Variants in SLC25A26 observed in about 807,000 individuals in gnomAD.
SLC25A26 encodes the protein solute carrier family 25 member 26, also known as mitochondrial S-adenosylmethionine carrier protein.
A neutral mutation model predicts 37.8 loss-of-function variants in SLC25A26; 36 were observed. That is an observed-to-expected ratio of 0.95 (90% CI 0.73 to 1.26). SLC25A26 has a LOEUF of 1.26. Ranked by LOEUF, SLC25A26 falls within the 50% of genes most tolerant of loss-of-function variation. The probability of loss-of-function intolerance (pLI) is 0.00; values close to 1 mark genes in which losing one functional copy is unlikely to be tolerated. For synonymous variants in SLC25A26, 129 were observed against 122.5 expected, an observed-to-expected ratio of 1.05 and a Z score of -0.35; for missense variants, 390 against 331.1, an observed-to-expected ratio of 1.18 and a Z score of -1.38.
chr3:66,286,790 G>C (rs1457587455), intron 5 of SLC25A26, among the ~76,000 whole-genome samples: 1 of 152,036 alleles, frequency 6.6e-6, no homozygotes, highest in Admixed American at 6.6e-5. Flanking sequence ...TGCCACCTGA[G>C]TAGCTGGGAT....
intron 1 of SLC25A26, among the ~76,000 whole-genome samples, chr3:66,188,843 C>A (rs2070881505): frequency 6.6e-6 from 1 of 151,970 alleles, no homozygotes; most frequent in South Asian, 2.1e-4. Flanking sequence ...TCAACCTGAC[C>A]AGACCCTGTT....
intron 6 of SLC25A26, among the ~76,000 whole-genome samples, chr3:66,362,514 G>GAGGA (rs2076733698): frequency 6.6e-6 from 1 of 152,204 alleles, no homozygotes; most frequent in Admixed American, 6.5e-5. Flanking sequence ...GGGGGATAGT[G>GAGGA]AGGAAGGACA....
chr3:66,310,275 ATGTT>A (rs1179752857), intron 5 of SLC25A26, among the ~76,000 whole-genome samples: 1 of 151,722 alleles, frequency 6.6e-6, no homozygotes, highest in Non-Finnish European at 1.5e-5. Flanking sequence ...GTCTTTTTTG[ATGTT>A]TGTTGGTTTA....
intron 5 of SLC25A26, among the ~76,000 whole-genome samples, chr3:66,301,650 C>T (rs1322585394): frequency 2.6e-5 from 4 of 152,168 alleles, no homozygotes; most frequent in South Asian, 2.1e-4. Flanking sequence ...CGTGTTTAGA[C>T]GGAGTACCTT....
chr3:66,367,535 C>T (rs779033574), intron 7 of SLC25A26, among the ~76,000 whole-genome samples: 5 of 152,180 alleles, frequency 3.3e-5, no homozygotes, highest in Non-Finnish European at 5.9e-5. Flanking sequence ...AAGAAGGGTT[C>T]TTTCAGGCTA....
rs369395201 is a variant in SLC25A26, at chr3:66,281,411, T to C, written c.453+18032T>C. Among the ~76,000 whole-genome samples, 164 of 152,386 alleles carry C rather than the reference T, an allele frequency of 1.1e-3. 1 individual carries two copies. The highest frequency in any genetic ancestry group is 3.7e-3 in the African/African-American group (153 of 41,588). ...TAGTTTTAACATCTGTGGATACTTC[T>C]TGTCTGAAGCATTTGTTACATTGGT... On this transcript the variant is annotated intron_variant, in intron 5 of 9. Transcript: ENST00000354883.
At chr3:66,266,851 T>G (rs1232495629) in intron 5 of SLC25A26, among the ~76,000 whole-genome samples, 3 of 152,218 alleles carry the variant, frequency 2.0e-5, no homozygotes, top group Non-Finnish European at 4.4e-5. Context: ...TGATTTGAGA[T>G]GCTATTGGCC....
intron 1 of SLC25A26, among the ~76,000 whole-genome samples, chr3:66,146,328 A>T (rs1057174676): frequency 6.6e-6 from 1 of 151,384 alleles, no homozygotes; most frequent in Admixed American, 6.6e-5. Flanking sequence ...TGACAGAGCG[A>T]GATTCAGTCT....
chr3:66,353,558 G>A (rs906950177), intron 6 of SLC25A26, among the ~76,000 whole-genome samples: 2 of 152,130 alleles, frequency 1.3e-5, no homozygotes, highest in Admixed American at 1.3e-4. Flanking sequence ...TTGTATTGTC[G>A]TATACTCAAA....
chr3:66,334,604 C>T (rs968726696), intron 5 of SLC25A26, among the ~76,000 whole-genome samples: 2 of 152,208 alleles, frequency 1.3e-5, no homozygotes, highest in African/African-American at 4.8e-5. Flanking sequence ...GTGTGAATTA[C>T]TGCGCCGGGC....
At chr3:66,237,835 T>C (rs1384754684) in intron 2 of SLC25A26, among the ~76,000 whole-genome samples, 1 of 152,182 alleles carries the variant, frequency 6.6e-6, no homozygotes, top group African/African-American at 2.4e-5. Flanking sequence ...ATTGCTTTTG[T>C]TTTTCGCAGG....
At chr3:66,171,174 C>G (rs918083603) in intron 1 of SLC25A26, among the ~76,000 whole-genome samples, 1 of 152,162 alleles carries the variant, frequency 6.6e-6, no homozygotes, top group South Asian at 2.1e-4. Flanking sequence ...CCAACATGGT[C>G]TAATCCCTGA....
intron 5 of SLC25A26, among the ~76,000 whole-genome samples, chr3:66,270,260 T>A (rs1455402410): frequency 6.6e-6 from 1 of 152,220 alleles, no homozygotes; most frequent in African/African-American, 2.4e-5. Context: ...AGTGCTATAA[T>A]TATTCATTTA....
chr3:66,375,624 G>A (rs1006107362), intron 9 of SLC25A26, among the ~76,000 whole-genome samples: 5 of 152,154 alleles, frequency 3.3e-5, no homozygotes, highest in South Asian at 2.1e-4. Flanking sequence ...AAGCCTGAGC[G>A]ACAGCACATC....
chr3:66,178,722 G>A (rs4075203), intron 1 of SLC25A26, among the ~76,000 whole-genome samples: 89,821 of 152,024 alleles, frequency 0.59, 27,998 homozygotes, highest in African/African-American at 0.78. Context: ...GAATCATCTT[G>A]TCCTGCTAAT....
chr3:66,371,817 G>A (rs1241583265), intron 9 of SLC25A26, among the ~76,000 whole-genome samples: 1 of 152,134 alleles, frequency 6.6e-6, no homozygotes, highest in Non-Finnish European at 1.5e-5. Flanking sequence ...GTGCTTAGGG[G>A]CCGGGTGCGG....
At chr3:66,224,469 G>T (rs189321392) in intron 1 of SLC25A26, among the ~76,000 whole-genome samples, 3 of 152,260 alleles carry the variant, frequency 2.0e-5, no homozygotes, top group Admixed American at 2.0e-4. Context: ...ATTACCAGAA[G>T]AGCAAGGGAA....
intron 3 of SLC25A26, among the ~76,000 whole-genome samples, chr3:66,257,554 T>C (rs1426402941): frequency 6.6e-6 from 1 of 152,034 alleles, no homozygotes; most frequent in African/African-American, 2.4e-5. Flanking sequence ...TAAAGGGAGG[T>C]AGTCATAGAC....
intron 7 of SLC25A26, among the ~76,000 whole-genome samples, chr3:66,363,781 C>T (rs187765939): frequency 2.9e-4 from 44 of 152,096 alleles, no homozygotes; most frequent in African/African-American, 9.7e-4. Context: ...TTGTTGTTGT[C>T]GTGATTGAGA....
Sources: gnomAD v4.1 joint callset for allele counts (sites outside exome capture counted in the v4.1 genomes callset) on GRCh38, gnomAD v4.1.1 for gene constraint, MANE v1.5 for transcripts, NCBI Gene and HGNC (gene_info 2026-07-23, HGNC 2026-07-21) for gene names.